Variants in MYLK observed in about 807,000 individuals in gnomAD.
MYLK encodes the protein myosin light chain kinase, also known as myosin light chain kinase, smooth muscle.
In MYLK, 106 loss-of-function variants were observed where a neutral mutation model predicts 203.4. The ratio of observed to expected loss-of-function variants is 0.52; its 90% CI spans 0.45 to 0.61. The LOEUF (loss-of-function observed/expected upper bound fraction) is 0.61. MYLK is among the 20% of genes least tolerant of loss of function. The pLI, the probability that MYLK is intolerant of heterozygous loss-of-function variation, is 0.00. For synonymous variants in MYLK, 867 were observed against 959.5 expected, an observed-to-expected ratio of 0.90 and a Z score of 1.78; for missense variants, 2,072 against 2,442.3, an observed-to-expected ratio of 0.85 and a Z score of 3.20.
chr3:123,758,360 T>C (rs1305862939), intron 4 of MYLK, among the ~76,000 whole-genome samples: 5 of 152,210 alleles, frequency 3.3e-5, no homozygotes, highest in African/African-American at 1.2e-4. Context: ...AGGCTTAAAC[T>C]GCTGGATGCT....
rs554433345 is a variant in MYLK, at chr3:123,857,608, G to A, written c.-127+18951C>T. 6.5e-3 allele frequency among the ~76,000 whole-genome samples: 959 copies of A among 146,860 alleles called. 15 individuals are homozygous for A. Among genetic ancestry groups the A allele is most frequent in the African/African-American group, 0.023 (916 of 39,590 alleles). On this transcript the variant is annotated intron_variant, in intron 2 of 33. Transcript: ENST00000360304. The stretch of plus-strand genomic sequence containing the variant: ...TGGGAATTGAACAATGAGAACACAT[G>A]GACACAGGAAGGGGAACATCACACT...
chr3:123,831,528 T>C lies in MYLK; in HGVS notation c.-4+20A>G. The stretch of plus-strand genomic sequence containing the variant: ...TGAGGAGGAATGGTCAACAGCATAA[T>C]GTAAACTCTGTTCACTCACCACCGT... On this transcript the variant is annotated intron_variant, in intron 3 of 33. Transcript: ENST00000360304. The C allele has an allele frequency of 1.2e-6, 1 of 833,554 alleles. No homozygotes were observed. Among genetic ancestry groups the C allele is most frequent in the Non-Finnish European group, 1.6e-6 (1 of 608,718 alleles). The allele number at this position is 833,554 out of a possible 1,614,324, so 51.6% of individuals were successfully genotyped here.
At chr3:123,701,661 G>C in intron 16 of MYLK, 152 bp from the exon 17 acceptor site, 1 of 741,456 alleles carries the variant, frequency 1.3e-6, no homozygotes, top group Admixed American at 2.1e-5. Flanking sequence ...TTTAGGGCAG[G>C]ACCCTCTCAC....
intron 7 of MYLK, among the ~76,000 whole-genome samples, chr3:123,738,604 T>C (rs940179604): frequency 1.3e-5 from 2 of 152,162 alleles, no homozygotes; most frequent in South Asian, 2.1e-4. Flanking sequence ...AACTGAATCA[T>C]AGGGTGGGTT....
At chr3:123,713,686 CCT>C (rs1476825713) in intron 13 of MYLK, among the ~76,000 whole-genome samples, 1 of 144,070 alleles carries the variant, frequency 6.9e-6, no homozygotes, top group African/African-American at 2.6e-5. Context: ...TGGCCTCTAG[CCT>C]CTATCAGTTT....
In MYLK at chr3:123,700,728, C is replaced by T. The variant is rs561148360; in HGVS notation, c.2740G>A (p.Asp914Asn). 1.5e-5 allele frequency: 24 copies of T among 1,614,158 alleles called. No homozygotes were observed. Among genetic ancestry groups the T allele is most frequent in the South Asian group, 4.4e-5 (4 of 91,066 alleles). The change falls in exon 18 of 34, where the codon GAC becomes AAC. Residue 914 changes from aspartate (D) to asparagine (N), a missense_variant. Asp to Asn is a conservative substitution (Grantham distance 23, BLOSUM62 1). Transcript: ENST00000360304. ...TGCTCGGCTGGGATCTCCTTCAGGT[C>T]GTCTTCCGATAGGGTCTTTGTACTC... ...KVSTKTLSED[D>N]LKEIPAEQMD...
Position 123,793,860 on chromosome 3 carries a change from A to C in MYLK, c.-3-16T>G. 6.2e-7 allele frequency: 1 copy of C among 1,614,108 alleles called. No homozygotes were observed. The highest frequency in any genetic ancestry group is 8.5e-7 in the Non-Finnish European group (1 of 1,180,016). On this transcript the variant is annotated splice_polypyrimidine_tract_variant and intron_variant, in intron 3 of 33. Transcript: ENST00000360304. ...CCCCCATGGTCTGCAAAAAGGAAGG[A>C]AGAGGACAAGGTCAGATCAGACAAA...
intron 8 of MYLK, 138 bp downstream of exon 8, chr3:123,737,240 C>A: frequency 2.2e-6 from 2 of 896,836 alleles, no homozygotes; most frequent in Non-Finnish European, 1.7e-6. Flanking sequence ...AAAAAAAAGA[C>A]CTGCCCCTGG....
intron 27 of MYLK, among the ~76,000 whole-genome samples, chr3:123,645,478 C>T (rs964419848): frequency 1.3e-5 from 2 of 152,158 alleles, no homozygotes; most frequent in Non-Finnish European, 2.9e-5. Flanking sequence ...GGAGAGAATT[C>T]CAAGATGCTA....
At chr3:123,653,711 C>T (rs1029413255) in intron 24 of MYLK, among the ~76,000 whole-genome samples, 2 of 152,160 alleles carry the variant, frequency 1.3e-5, no homozygotes, top group African/African-American at 2.4e-5. Context: ...CTGGGAGCAG[C>T]TGTCCTAGAC....
intron 24 of MYLK, among the ~76,000 whole-genome samples, chr3:123,652,567 C>T (rs2059251414): frequency 6.6e-6 from 1 of 152,222 alleles, no homozygotes; most frequent in African/African-American, 2.4e-5. Flanking sequence ...GCCTCTGAGG[C>T]CAGGGCGTAG....
At chr3:123,865,794 T>C (rs1364054964) in intron 2 of MYLK, among the ~76,000 whole-genome samples, 2 of 152,186 alleles carry the variant, frequency 1.3e-5, no homozygotes, top group African/African-American at 2.4e-5. Flanking sequence ...TGCAGGCTTA[T>C]GGCTGCTTTG....
intron 29 of MYLK, among the ~76,000 whole-genome samples, chr3:123,632,332 T>C (rs779220843): frequency 6.6e-6 from 1 of 152,116 alleles, no homozygotes; most frequent in African/African-American, 2.4e-5. Flanking sequence ...TTCTTTACAT[T>C]TTCCACTGGA....
In MYLK at chr3:123,629,002, A is replaced by C. The variant is rs1283638546; in HGVS notation, c.5114+472T>G. Among the ~76,000 whole-genome samples, 14 of 152,148 alleles carry C rather than the reference A, an allele frequency of 9.2e-5. No homozygotes were observed. Among genetic ancestry groups the C allele is most frequent in the Admixed American group, 8.5e-4 (13 of 15,286 alleles). ...ATAACTGAGATATAAAAAAACACTA[A>C]GCCAGAATAATAATAATAATCTGGG... On this transcript the variant is annotated intron_variant, in intron 30 of 33. Coordinates refer to ENST00000360304, the MANE Select transcript of MYLK (RefSeq NM_053025.4). This position sits in a 1 kb window ranked among gnomAD's most constrained non-coding sequence, Gnocchi z 4.4.
intron 5 of MYLK, among the ~76,000 whole-genome samples, chr3:123,741,538 C>G (rs1283656102): frequency 6.6e-6 from 1 of 152,230 alleles, no homozygotes; most frequent in African/African-American, 2.4e-5. Context: ...CCCTCAGATG[C>G]TGCTGGAGGC....
intron 24 of MYLK, among the ~76,000 whole-genome samples, chr3:123,651,474 A>G (rs2059209153): frequency 6.6e-6 from 1 of 152,156 alleles, no homozygotes; most frequent in Non-Finnish European, 1.5e-5. Context: ...ACTGTCAGGG[A>G]GGCCCCTGTC....
chr3:123,665,690 T>C (rs2059711990), intron 22 of MYLK, among the ~76,000 whole-genome samples: 4 of 152,224 alleles, frequency 2.6e-5, no homozygotes, highest in Admixed American at 2.6e-4. Context: ...CATTGTTCCA[T>C]AGGAACCATT....
chr3:123,755,609 C>T (rs755525965), intron 4 of MYLK, among the ~76,000 whole-genome samples: 7 of 151,920 alleles, frequency 4.6e-5, no homozygotes, highest in Non-Finnish European at 1.0e-4. Flanking sequence ...AAAATCAATC[C>T]GTTTTTACTG....
At chr3:123,697,105 T>TG (rs1290212515) in intron 18 of MYLK, among the ~76,000 whole-genome samples, 1 of 152,194 alleles carries the variant, frequency 6.6e-6, no homozygotes. Context: ...TCACTGTGAG[T>TG]GTGTCTTCTC....
Sources: allele counts gnomAD v4.1 joint callset (sites outside exome capture counted in the v4.1 genomes callset), GRCh38; gene constraint gnomAD v4.1.1; non-coding constraint Gnocchi (gnomAD v3.1); transcripts MANE v1.5; gene names NCBI Gene and HGNC (gene_info 2026-07-23, HGNC 2026-07-21).